MICB: variants seen among roughly 807,000 people sequenced by gnomAD.
The protein encoded by MICB is MHC class I antigen-related protein B.
In MICB, 27 loss-of-function variants were observed where a neutral mutation model predicts 34.3. That is an observed-to-expected ratio of 0.79 (90% CI 0.58 to 1.08). The LOEUF is 1.08. Among genes scored for constraint, MICB ranks in the 50% least tolerant of loss-of-function variants. The pLI is 0.00. For missense variants in MICB, 426 were observed against 483.1 expected, an observed-to-expected ratio of 0.88 and a Z score of 1.11; for synonymous variants, 153 against 187.4, an observed-to-expected ratio of 0.82 and a Z score of 1.50.
At position 31,510,041 on chromosome 6, in the gene MICB, G is replaced by A. The variant is rs1765584558; in HGVS notation, c.*132G>A. ...TGTTGTTGGATGCTGCAAAGTGTTA[G>A]TAGGTATGAGGTGTTTGCTGCTCTG... On this transcript the variant is annotated 3_prime_UTR_variant, in exon 6 of 6. Coordinates refer to ENST00000252229, the MANE Select transcript of MICB (RefSeq NM_005931.5). 1.2e-5 allele frequency: 14 copies of A among 1,123,544 alleles called. No homozygotes were observed. In the South Asian group the frequency reaches 2.5e-4, roughly 20 times the overall value. The allele number at this position is 1,123,544 out of a possible 1,614,324, so 69.6% of individuals were successfully genotyped here. A position where few individuals can be genotyped will look rare whatever the true frequency, so the allele number is the denominator to read the frequency against.
At position 31,505,647 on chromosome 6, in the gene MICB, T is replaced by G. The variant is rs1232756860; in HGVS notation, c.101T>G (p.Val34Gly). The G allele has an allele frequency of 6.2e-7, 1 of 1,612,824 alleles. No homozygotes were observed. The change falls in exon 2 of 6, where the codon GTG becomes GGG. Residue 34 changes from valine to glycine, a missense_variant. Coordinates refer to ENST00000252229, the MANE Select transcript of MICB (RefSeq NM_005931.5). ...CACAGTCTTCGTTACAACCTCATGG[T>G]GCTGTCCCAGGATGGATCTGTGCAG... Reference protein sequence around the residue: ...EPHSLRYNLMVLSQDGSVQSG... With the variant: ...EPHSLRYNLMGLSQDGSVQSG...
chr6:31,495,917 T>A (rs1296688721), upstream of MICB, among the ~76,000 whole-genome samples: 4 of 147,338 alleles, frequency 2.7e-5, no homozygotes, highest in African/African-American at 1.0e-4. Flanking sequence ...ATGAAAAAAA[T>A]AAGATTCAAG....
rs1582860564 is a variant in MICB at position 31,498,252 on chromosome 6, C to T, written c.59C>T (p.Ala20Val). The change falls in exon 1 of 6, where the codon GCA becomes GTA. Residue 20 changes from alanine (A) to valine (V), a missense_variant. Physicochemically the swap from Ala to Val is moderately conservative, Grantham distance 64. Transcript: ENST00000252229. ...GTCGCCTTCCCTTTTGCACCCCCGG[C>T]AGCCGCCGCTGGTGAGTGGGGTTCC... ...LAVAFPFAPP[A>V]AAAEPHSLRY... 1 of 1,573,056 alleles carries T rather than the reference C, an allele frequency of 6.4e-7. No individual in the cohort carries two copies.
intron 1 of MICB, among the ~76,000 whole-genome samples, chr6:31,505,088 G>A (rs2534655): frequency 0.57 from 83,919 of 147,698 alleles, 23,175 homozygotes; most frequent in African/African-American, 0.66. Flanking sequence ...AAACTTCACT[G>A]GGGCTACAAC....
At chr6:31,509,696 TG>T in intron 5 of MICB, 85 bp from the exon 6 acceptor site, 1 of 1,438,300 alleles carries the variant, frequency 7.0e-7, no homozygotes, top group Non-Finnish European at 9.2e-7. Context: ...AATCTGATTT[TG>T]GGGCAACTGA....
rs45624537 is a variant in MICB at position 31,507,051 on chromosome 6, G to A, written c.643G>A (p.Glu215Lys). 2.7e-4 allele frequency: 438 copies of A among 1,613,874 alleles called. No individual in the cohort carries two copies. The African/African-American group carries it at 5.1e-3, about 19-fold the overall frequency. ...CCCCATGGTGAATGTCACCTGCAGC[G>A]AGGTCTCAGAGGGCAACATCACCGT... ...VPPMVNVTCS[E>K]VSEGNITVTC... is the part of the protein sequence containing the mutation. Residue 215 changes from glutamate to lysine, a missense_variant, in exon 4 of 6, where the codon GAG (glutamate) becomes AAG (lysine). Transcript: ENST00000252229. This position sits in a 1 kb window ranked among gnomAD's most constrained non-coding sequence, Gnocchi z 6.0.
At position 31,509,997 on chromosome 6, in the gene MICB, A is replaced by T. The variant is rs1379302104; in HGVS notation, c.*88A>T. 9.1e-7 allele frequency: 1 copy of T among 1,102,990 alleles called. No individual in the cohort carries two copies. The highest frequency in any genetic ancestry group is 1.6e-5 in the African/African-American group (1 of 62,280). The allele number at this position is 1,102,990 out of a possible 1,614,324, so 68.3% of individuals were successfully genotyped here. ...GTTTCCTGACCTATGAAACAGAGAA[A>T]ATAACATCACTTATTTATTGTTGTT... On this transcript the variant is annotated 3_prime_UTR_variant, in exon 6 of 6. Coordinates refer to ENST00000252229, the MANE Select transcript of MICB (RefSeq NM_005931.5).
upstream of MICB, chr6:31,496,698 G>A (rs1316021928): frequency 6.7e-6 from 1 of 149,050 alleles, no homozygotes; most frequent in Non-Finnish European, 1.5e-5. Flanking sequence ...TTAAAGGCTA[G>A]TCAAGTGAAA....
At chr6:31,499,092 G>T (rs1334368958) in intron 1 of MICB, among the ~76,000 whole-genome samples, 1 of 152,206 alleles carries the variant, frequency 6.6e-6, no homozygotes, top group Middle Eastern at 3.4e-3. Context: ...CGGAGGTGGT[G>T]CTTCTTGCTG....
intron 1 of MICB, among the ~76,000 whole-genome samples, chr6:31,503,986 T>TGTGTGA (rs1371417972): frequency 3.4e-5 from 5 of 147,774 alleles, no homozygotes; most frequent in East Asian, 4.0e-4. Context: ...TGTGTGTGTG[T>TGTGTGA]GATAATAGCC....
chr6:31,508,805 T>G (rs1382733378), intron 5 of MICB, among the ~76,000 whole-genome samples: 1 of 152,184 alleles, frequency 6.6e-6, no homozygotes, highest in Non-Finnish European at 1.5e-5. Flanking sequence ...ATAATCTTAA[T>G]AGGATTTCCT....
intron 5 of MICB, among the ~76,000 whole-genome samples, chr6:31,508,041 C>T (rs1765453135): frequency 6.6e-6 from 1 of 152,308 alleles, no homozygotes; most frequent in Admixed American, 6.5e-5. Flanking sequence ...CACTACCTGG[C>T]CTCCCTGAGT....
rs1323547344 is a variant in MICB at position 31,505,808 on chromosome 6, G to A, written c.262G>A (p.Asp88Asn). 1 of 1,613,206 alleles carries A rather than the reference G, an allele frequency of 6.2e-7. No individual in the cohort carries two copies. Among genetic ancestry groups the A allele is most frequent in the Non-Finnish European group, 8.5e-7 (1 of 1,179,968 alleles). Residue 88 changes from aspartate to asparagine, a missense_variant, in exon 2 of 6, where the codon GAC (aspartate) becomes AAC (asparagine). Physicochemically the swap from Asp to Asn is conservative, Grantham distance 23. Coordinates refer to ENST00000252229, the MANE Select transcript of MICB (RefSeq NM_005931.5). ...TAAGACCTGGGACACAGAGACCGAGGACTTGACAGAGAATGGGCAAGACCT... is the reference window on the plus strand; with the variant it reads ...TAAGACCTGGGACACAGAGACCGAGAACTTGACAGAGAATGGGCAAGACCT... ...GAKTWDTETE[D>N]LTENGQDLRR... is the part of the protein sequence containing the mutation.
At chr6:31,499,026 T>C (rs977693070) in intron 1 of MICB, among the ~76,000 whole-genome samples, 6 of 149,052 alleles carry the variant, frequency 4.0e-5, no homozygotes, top group Non-Finnish European at 8.8e-5. Context: ...GGAGCCGATG[T>C]GTTCTCAGCT....
chr6:31,506,981 A>G, intron 3 of MICB, 41 bp from the exon 4 acceptor site: 1 of 1,591,350 alleles, frequency 6.3e-7, no homozygotes, highest in South Asian at 1.2e-5. Context: ...TCTCCCTTAG[A>G]GGGGAGCAGG....
chr6:31,496,366 C>CTTTTTTTTTTTT (rs3034154), upstream of MICB, among the ~76,000 whole-genome samples: 10 of 121,638 alleles, frequency 8.2e-5, 1 homozygote, highest in South Asian at 5.2e-4. Context: ...TCCTTTTTTT[C>CTTTTTTTTTTTT]TTTTTTTTTT....
chr6:31,509,814 C>T lies in MICB; in HGVS notation c.1057C>T (p.Pro353Ser). ...LVSLQVLDQH[P>S]VGTGDHRDAA... The stretch of plus-strand genomic sequence containing the variant: ...GAGCCTGCAGGTCCTGGATCAACAC[C>T]CAGTTGGGACAGGAGACCACAGGGA... The change falls in exon 6 of 6, where the codon CCA becomes TCA. Residue 353 changes from proline (P) to serine (S), a missense_variant. Physicochemically the swap from Pro to Ser is moderately conservative, Grantham distance 74 (BLOSUM62 -1). Transcript: ENST00000252229. 1 of 1,612,442 alleles carries T rather than the reference C, an allele frequency of 6.2e-7. No homozygotes were observed. The highest frequency in any genetic ancestry group is 8.5e-7 in the Non-Finnish European group (1 of 1,179,220).
intron 1 of MICB, 23 bp downstream of exon 1, chr6:31,498,286 C>G: frequency 6.5e-7 from 1 of 1,531,970 alleles, no homozygotes; most frequent in Admixed American, 1.9e-5. Context: ...CCTGGCGGTC[C>G]CCGGCGGAGC....
chr6:31,508,406 G>A (rs1011866107), intron 5 of MICB, among the ~76,000 whole-genome samples: 12 of 152,262 alleles, frequency 7.9e-5, no homozygotes, highest in African/African-American at 2.7e-4. Context: ...AACAGAGGCA[G>A]TGCAGGGGAC....
Sources: allele counts gnomAD v4.1 joint callset (sites outside exome capture counted in the v4.1 genomes callset), GRCh38; gene constraint gnomAD v4.1.1; non-coding constraint Gnocchi (gnomAD v3.1); transcripts MANE v1.5; gene names NCBI Gene and HGNC (gene_info 2026-07-23, HGNC 2026-07-21).